PMPCB: variants seen among roughly 807,000 people sequenced by gnomAD.
PMPCB encodes the protein mitochondrial-processing peptidase subunit beta.
In PMPCB, 46 loss-of-function variants were observed where a neutral mutation model predicts 61.5. That is an observed-to-expected ratio of 0.75 (90% confidence interval 0.59 to 0.96). PMPCB has a LOEUF of 0.96. Ranked by LOEUF, PMPCB falls within the 40% of genes least tolerant of loss-of-function variation. PMPCB has a pLI of 0.00. For synonymous variants in PMPCB, 191 were observed against 201.6 expected, an observed-to-expected ratio of 0.95 and a Z score of 0.44; for missense variants, 590 against 602.4, an observed-to-expected ratio of 0.98 and a Z score of 0.22.
At chr7:103,301,188 T>C (rs542695393) in intron 4 of PMPCB, among the ~76,000 whole-genome samples, 1 of 152,344 alleles carries the variant, frequency 6.6e-6, no homozygotes, top group South Asian at 2.1e-4. Flanking sequence ...TTGCCCAGGA[T>C]TGCATAGCTA....
At chr7:103,344,704 C>A in the PMPCB span, 1 of 1,447,736 alleles carries the variant, frequency 6.9e-7, no homozygotes, top group Non-Finnish European at 9.6e-7. Context: ...AGCTCTACCT[C>A]TCACTCCGAG....
chr7:103,303,755 G>T, intron 4 of PMPCB, 87 bp from the exon 5 acceptor site: 1 of 853,812 alleles, frequency 1.2e-6, no homozygotes, highest in Non-Finnish European at 1.8e-6. Flanking sequence ...ATGGGTCAGT[G>T]TCATGATTTC....
In PMPCB at chr7:103,311,811, C is replaced by G; in HGVS notation, c.1244C>G (p.Ser415Ter). ...KTNMLLQLDG[S>*]TPICEDIGRQ... is the part of the protein sequence containing the mutation. ...ATTTTTCCTTCTCTTTAAACAGGTT[C>G]AACTCCAATTTGTGAAGATATTGGT... The change falls in exon 11 of 13, where the codon TCA becomes TGA. Residue 415 changes from serine (S) to a stop codon, truncating the protein, a stop_gained. Transcript: ENST00000249269. LOFTEE classifies it high-confidence loss of function. The G allele has an allele frequency of 6.2e-7, 1 of 1,611,054 alleles. No homozygotes were observed. The highest frequency in any genetic ancestry group is 8.5e-7 in the Non-Finnish European group (1 of 1,177,584).
intron 6 of PMPCB, 46 bp from the exon 7 acceptor site, chr7:103,307,550 C>A: frequency 9.0e-7 from 1 of 1,107,550 alleles, no homozygotes; most frequent in Non-Finnish European, 1.4e-6. Flanking sequence ...TTATTGTAAA[C>A]TATATTGCTG....
Position 103,307,656 on chromosome 7 carries a change from C to A in PMPCB, c.797C>A (p.Thr266Lys). The change falls in exon 7 of 13, where the codon ACA (threonine) becomes AAA (lysine). Residue 266 changes from threonine to lysine, a missense_variant. Thr to Lys is a moderately conservative substitution (Grantham distance 78). Coordinates refer to ENST00000249269, the MANE Select transcript of PMPCB (RefSeq NM_004279.3). Reference protein sequence around the residue: ...AKFHFGDSLCTHKGEIPALPP... With the variant: ...AKFHFGDSLCKHKGEIPALPP... ...TTTCATTTCGGTGACTCTTTATGCA[C>A]ACACAAAGGAGAAATACCAGCTCTG... 6.2e-7 allele frequency: 1 copy of A among 1,613,554 alleles called. No homozygotes were observed. Among genetic ancestry groups the A allele is most frequent in the Non-Finnish European group, 8.5e-7 (1 of 1,179,466 alleles).
At chr7:103,311,600 ATACAACATTTTCCAAC>A in intron 9 of PMPCB, 27 bp from the exon 10 acceptor site, 1 of 1,432,856 alleles carries the variant, frequency 7.0e-7, no homozygotes, top group East Asian at 2.3e-5. Flanking sequence ...AACTCATGAA[ATACAACATTTTCCAAC>A]TACTACTGTT....
At chr7:103,329,507 T>G (rs983351903) in exon 13 of PMPCB, 3 of 152,278 alleles carry the variant, frequency 2.0e-5, no homozygotes, top group Non-Finnish European at 4.4e-5. Context: ...GATCATTTCT[T>G]TTGTAATTTC....
At chr7:103,332,987 G>A (rs548317664), downstream of PMPCB, among the ~76,000 whole-genome samples, 7 of 152,164 alleles carry the variant, frequency 4.6e-5, no homozygotes, top group East Asian at 1.9e-4. Context: ...AAAAGTGTTC[G>A]GGATTTCAAA....
intron 6 of PMPCB, among the ~76,000 whole-genome samples, chr7:103,304,774 A>G (rs1402227831): frequency 2.0e-5 from 3 of 152,104 alleles, no homozygotes; most frequent in Non-Finnish European, 4.4e-5. Context: ...CAGCCTGACT[A>G]ATATGGTGAA....
Position 103,322,115 on chromosome 7 carries a change from G to A in PMPCB, c.*1432-6816G>A, listed in dbSNP as rs766944568. 9.5e-6 allele frequency: 14 copies of A among 1,468,258 alleles called. No homozygotes were observed. In the South Asian group the frequency reaches 1.6e-4, roughly 17 times the overall value. 91.0% of individuals were successfully genotyped at this position (1,468,258 alleles called of 1,614,324 possible). ...AAAGGGAGTAAAATCATTTTAATAG[G>A]TACAGTAAAATTCCTAAATGTTTTA... On this transcript the variant is annotated intron_variant and NMD_transcript_variant, in intron 12 of 12. Coordinates refer to the PMPCB transcript ENST00000444457.
chr7:103,312,353 T>C lies in PMPCB; in HGVS notation c.*82T>C, dbSNP rs1489154681. 7 of 1,569,570 alleles carry C rather than the reference T, an allele frequency of 4.5e-6. No homozygotes were observed. The highest frequency in any genetic ancestry group is 5.1e-6 in the Non-Finnish European group (6 of 1,165,984). ...AAATAAAAATGAACATGTATATACA[T>C]TTGGAAATTTGAATTAAATACTGTA... On this transcript the variant is annotated 3_prime_UTR_variant, in exon 13 of 13. Coordinates refer to ENST00000249269, the MANE Select transcript of PMPCB (RefSeq NM_004279.3).
chr7:103,299,437 AT>A lies in PMPCB; in HGVS notation c.241-4del. 6.4e-7 allele frequency: 1 copy of A among 1,557,066 alleles called. No individual in the cohort carries two copies. The highest frequency in any genetic ancestry group is 1.4e-5 in the African/African-American group (1 of 73,590). On this transcript the variant is annotated splice_polypyrimidine_tract_variant and splice_region_variant and intron_variant, in intron 2 of 12. Coordinates refer to ENST00000249269, the MANE Select transcript of PMPCB (RefSeq NM_004279.3). ...ATTTATTTAATTGTTCTTTGATTGCATTAAGGTTGGACTCTGGATTGATGCT... is the reference window on the plus strand; with the variant it reads ...ATTTATTTAATTGTTCTTTGATTGCATAAGGTTGGACTCTGGATTGATGCT...
downstream of PMPCB, chr7:103,315,719 A>G (rs1390615776): frequency 1.5e-6 from 2 of 1,319,536 alleles, no homozygotes; most frequent in Non-Finnish European, 2.2e-6. Flanking sequence ...CAAGCAGCAC[A>G]GATACATGGC....
intron 12 of PMPCB, chr7:103,321,864 AAAG>A (rs1394330528): frequency 4.6e-6 from 7 of 1,529,258 alleles, no homozygotes; most frequent in Middle Eastern, 1.7e-4. Flanking sequence ...AAACAAACAA[AAAG>A]AAGTATTTTT....
the PMPCB span, among the ~76,000 whole-genome samples, chr7:103,340,355 G>A: frequency 6.6e-6 from 1 of 152,162 alleles, no homozygotes; most frequent in African/African-American, 2.4e-5. Context: ...GAGGTGGTGG[G>A]AGAATCAGCT....
Position 103,311,647 on chromosome 7 carries a change from C to T in PMPCB, c.1159C>T (p.Arg387Ter), listed in dbSNP as rs756239393. The change falls in exon 10 of 13, where the codon CGA becomes TGA. Residue 387 changes from arginine (R) to a stop codon, truncating the protein, a stop_gained. Coordinates refer to ENST00000249269, the MANE Select transcript of PMPCB (RefSeq NM_004279.3). LOFTEE classifies it high-confidence loss of function. ...CTGTTTTTCCACGTTTTTTAGGATG[C>T]GACTCTGTACAAGTGTCACAGAAAG... is the stretch of plus-strand genomic sequence containing the variant. ...MLHVVQKEWM[R>*]LCTSVTESEV... is the part of the protein sequence containing the mutation. 33 of 1,611,254 alleles carry T rather than the reference C, an allele frequency of 2.0e-5. No homozygotes were observed. Among genetic ancestry groups the T allele is most frequent in the African/African-American group, 4.0e-5 (3 of 74,814 alleles).
At chr7:103,307,571 G>C in intron 6 of PMPCB, 25 bp from the exon 7 acceptor site, 1 of 1,359,150 alleles carries the variant, frequency 7.4e-7, no homozygotes. Flanking sequence ...CTAGATACAT[G>C]TGAAAATATT....
rs148863577 is a variant in PMPCB, at chr7:103,327,242, A to C, written c.*1432-1689A>C. On this transcript the variant is annotated intron_variant and NMD_transcript_variant, in intron 12 of 12. Transcript: ENST00000444457. The stretch of plus-strand genomic sequence containing the variant: ...CTTCTTGATTTAAACTAGGCTAGCA[A>C]AACATCTAAGGAACAGTTTAGTCCC... 1,136 of 656,294 alleles carry C rather than the reference A, an allele frequency of 1.7e-3. 11 individuals are homozygous for C. In the Middle Eastern group the frequency reaches 0.031, roughly 18 times the overall value. 40.7% of individuals were successfully genotyped at this position (656,294 alleles called of 1,614,324 possible). A position where few individuals can be genotyped will look rare whatever the true frequency, so the allele number is the denominator to read the frequency against.
chr7:103,298,233 CT>C (rs545826775), intron 1 of PMPCB, among the ~76,000 whole-genome samples: 44 of 146,330 alleles, frequency 3.0e-4, no homozygotes, highest in East Asian at 5.9e-4. Flanking sequence ...GTTTCCCTCT[CT>C]TTTTTTTTTT....
Sources: allele counts gnomAD v4.1 joint callset (sites outside exome capture counted in the v4.1 genomes callset), GRCh38; gene constraint gnomAD v4.1.1; transcripts MANE v1.5; gene names NCBI Gene and HGNC (gene_info 2026-07-23, HGNC 2026-07-21).